The following CRACR2B variants were observed in gnomAD, a reference collection of about 807,000 sequenced individuals.
CRACR2B encodes the protein EF-hand calcium-binding domain-containing protein 4A.
Under a neutral mutation model 46.0 loss-of-function variants are expected in CRACR2B, and 50 were observed. The ratio of observed to expected loss-of-function variants is 1.09; its 90% CI spans 0.87 to 1.38. CRACR2B has a LOEUF of 1.38. Ranked by LOEUF, CRACR2B falls within the 40% of genes most tolerant of loss-of-function variation. The pLI is 0.00. For synonymous variants in CRACR2B, 277 were observed against 239.6 expected (o/e 1.16, Z -1.44); for missense variants, 667 against 535.0 (o/e 1.25, Z -2.43).
In CRACR2B at chr11:828,397, C is replaced by A. The variant is rs1846069464; in HGVS notation, c.-211C>A. ...CCCACAGGCCCTGAGCCTACATCAA[C>A]CACCCCAGTGACACCCCAAGCCTGC... On this transcript the variant is annotated 5_prime_UTR_variant, in exon 1 of 9. Transcript: ENST00000525077. 3.5e-6 allele frequency: 2 copies of A among 577,136 alleles called. No individual in the cohort carries two copies. Among genetic ancestry groups the A allele is most frequent in the South Asian group, 4.8e-5 (2 of 42,008 alleles). 35.8% of individuals were successfully genotyped at this position (577,136 alleles called of 1,614,324 possible).
upstream of CRACR2B, chr11:827,114 G>C (rs536118710): frequency 6.6e-6 from 1 of 152,250 alleles, no homozygotes; most frequent in African/African-American, 2.4e-5. Flanking sequence ...GCAGCGCAGA[G>C]AGGCGGGGAC....
At position 830,846 on chromosome 11, in the gene CRACR2B, T is replaced by G; in HGVS notation, c.787-20T>G. The G allele has an allele frequency of 6.6e-7, 1 of 1,508,120 alleles. No individual in the cohort carries two copies. The highest frequency in any genetic ancestry group is 8.8e-7 in the Non-Finnish European group (1 of 1,131,654). The allele number at this position is 1,508,120 out of a possible 1,614,324, so 93.4% of individuals were successfully genotyped here. A position where few individuals can be genotyped will look rare whatever the true frequency, so the allele number is the denominator to read the frequency against. ...GAAGAGGGGGCGTTCCTCGCCGGTC[T>G]CCATCCTTCCACCCTCCAGTTAGAG... is the stretch of plus-strand genomic sequence containing the variant. On this transcript the variant is annotated intron_variant, in intron 6 of 8. Transcript: ENST00000525077.
At position 828,321 on chromosome 11, in the gene CRACR2B, A is replaced by C; in HGVS notation, c.-287A>C. On this transcript the variant is annotated 5_prime_UTR_variant, in exon 1 of 9. Coordinates refer to ENST00000525077, the MANE Select transcript of CRACR2B (RefSeq NM_001286606.2). Reference sequence around the variant, plus strand: ...CAGCTCCTCCTCTCCTGAAGTTGGCAGCCCCTCCTGGGTTCCAGCCTCCTG... The same window carrying C: ...CAGCTCCTCCTCTCCTGAAGTTGGCCGCCCCTCCTGGGTTCCAGCCTCCTG... 2.4e-6 allele frequency: 1 copy of C among 409,910 alleles called. No individual in the cohort carries two copies. Among genetic ancestry groups the C allele is most frequent in the Non-Finnish European group, 4.3e-6 (1 of 229,956 alleles). The allele number at this position is 409,910 out of a possible 1,614,324, so 25.4% of individuals were successfully genotyped here.
rs1435783683 is a variant in CRACR2B, at chr11:828,005, C to T, written c.-603C>T. On this transcript the variant is annotated 5_prime_UTR_variant, in exon 1 of 9. Coordinates refer to ENST00000525077, the MANE Select transcript of CRACR2B (RefSeq NM_001286606.2). Reference sequence around the variant, plus strand: ...AGGCGAAGGGCTCTGCAGGCTGGGACCTTGCCCCTGCACTCTGTGGGCTCA... The same window carrying T: ...AGGCGAAGGGCTCTGCAGGCTGGGATCTTGCCCCTGCACTCTGTGGGCTCA... 6.7e-6 allele frequency among the ~76,000 whole-genome samples: 1 copy of T among 150,276 alleles called. No homozygotes were observed. The highest frequency in any genetic ancestry group is 1.5e-5 in the Non-Finnish European group (1 of 66,562).
intron 5 of CRACR2B, 138 bp from the exon 6 acceptor site, chr11:830,483 C>T: frequency 6.5e-7 from 1 of 1,537,312 alleles, no homozygotes; most frequent in Non-Finnish European, 8.7e-7. Flanking sequence ...CCCACTGGGC[C>T]TCACGTATCA....
At position 828,981 on chromosome 11, in the gene CRACR2B, C is replaced by G. The variant is rs751837387; in HGVS notation, c.277+18C>G. 1.2e-6 allele frequency: 2 copies of G among 1,600,472 alleles called. No homozygotes were observed. Among genetic ancestry groups the G allele is most frequent in the Non-Finnish European group, 8.5e-7 (1 of 1,179,422 alleles). ...GGGCCTGGGTGAGCCTGTGGCCTGC[C>G]TATCCCCCACTGCCCAGAGCTGGAG... On this transcript the variant is annotated intron_variant, in intron 2 of 8. Transcript: ENST00000525077.
rs779798185 is a variant in CRACR2B, at chr11:828,697, A to G, written c.90A>G (p.Ile30Met). Residue 30 changes from isoleucine (I) to methionine (M), a missense_variant, in exon 1 of 9, where the codon ATA becomes ATG. Ile to Met is a conservative substitution (Grantham distance 10). Coordinates refer to ENST00000525077, the MANE Select transcript of CRACR2B (RefSeq NM_001286606.2). ...GCTCTGCAGGGCCGCGGGCTGCAATACTGGAGCAGGCTGAGGAGCTGTTTC... is the reference window on the plus strand; with the variant it reads ...GCTCTGCAGGGCCGCGGGCTGCAATGCTGGAGCAGGCTGAGGAGCTGTTTC... ...EGGSAGPRAA[I>M]LEQAEELFLL... is the part of the protein sequence containing the mutation. 2 of 1,612,258 alleles carry G rather than the reference A, an allele frequency of 1.2e-6. No homozygotes were observed. Among genetic ancestry groups the G allele is most frequent in the Admixed American group, 3.4e-5 (2 of 59,594 alleles).
At chr11:830,505 T>C in intron 5 of CRACR2B, 116 bp from the exon 6 acceptor site, 1 of 1,539,252 alleles carries the variant, frequency 6.5e-7, no homozygotes, top group South Asian at 1.2e-5. Context: ...CCCCGTCCGG[T>C]CTTCTCCACC....
At chr11:830,429 G>T in intron 5 of CRACR2B, 92 bp downstream of exon 5, 1 of 1,536,118 alleles carries the variant, frequency 6.5e-7, no homozygotes, top group Non-Finnish European at 8.7e-7. Context: ...CCTCCCCGAC[G>T]GCCCCACCTC....
Position 828,721 on chromosome 11 carries a change from T to A in CRACR2B, c.114T>A (p.Phe38Leu). 1 of 1,613,486 alleles carries A rather than the reference T, an allele frequency of 6.2e-7. No individual in the cohort carries two copies. Among genetic ancestry groups the A allele is most frequent in the South Asian group, 1.1e-5 (1 of 91,070 alleles). The change falls in exon 1 of 9, where the codon TTT (phenylalanine) becomes TTA (leucine). Residue 38 changes from phenylalanine to leucine, a missense_variant. By Grantham distance (22) the Phe-to-Leu change is conservative. Coordinates refer to ENST00000525077, the MANE Select transcript of CRACR2B (RefSeq NM_001286606.2). ...AAILEQAEEL[F>L]LLCDKEAKGF... ...TACTGGAGCAGGCTGAGGAGCTGTT[T>A]CTGCTGTGTGACAAGGAGGCTAAGG...
In CRACR2B at chr11:830,948, C is replaced by T. The variant is rs1418792499; in HGVS notation, c.869C>T (p.Ala290Val). The change falls in exon 7 of 9, where the codon GCG becomes GTG. Residue 290 changes from alanine (A) to valine (V), a missense_variant. Transcript: ENST00000525077. The stretch of plus-strand genomic sequence containing the variant: ...TCCCAGCTGTGGCGGGCGCACGAGG[C>T]GCTGCGAACGCAGCTGGAGGGGGCG... ...QNSQLWRAHE[A>V]LRTQLEGAQE... 1 of 1,533,132 alleles carries T rather than the reference C, an allele frequency of 6.5e-7. No individual in the cohort carries two copies. The highest frequency in any genetic ancestry group is 1.2e-5 in the South Asian group (1 of 83,894). The allele number at this position is 1,533,132 out of a possible 1,614,324, so 95.0% of individuals were successfully genotyped here.
chr11:830,480 G>A (rs1590197572), intron 5 of CRACR2B, 141 bp from the exon 6 acceptor site: 1 of 1,537,112 alleles, frequency 6.5e-7, no homozygotes, highest in East Asian at 2.4e-5. Flanking sequence ...GATCCCACTG[G>A]GCCTCACGTA....
intron 2 of CRACR2B, 105 bp from the exon 3 acceptor site, chr11:829,255 A>C (rs1846176385): frequency 6.7e-7 from 1 of 1,486,026 alleles, no homozygotes; most frequent in Non-Finnish European, 8.9e-7. Flanking sequence ...GGAAAACAGG[A>C]AACTGGGCCC....
Position 828,361 on chromosome 11 carries a change from C to A in CRACR2B, c.-247C>A. On this transcript the variant is annotated 5_prime_UTR_variant, in exon 1 of 9. It adds an upstream start codon to the 5' untranslated region. Coordinates refer to ENST00000525077, the MANE Select transcript of CRACR2B (RefSeq NM_001286606.2). Reference sequence around the variant, plus strand: ...CCAGCCTCCTGAGATGCCAGACCCACTGGGGCAGTACCCACAGGCCCTGAG... The same window carrying A: ...CCAGCCTCCTGAGATGCCAGACCCAATGGGGCAGTACCCACAGGCCCTGAG... 2.0e-6 allele frequency: 1 copy of A among 497,478 alleles called. No homozygotes were observed. Among genetic ancestry groups the A allele is most frequent in the Non-Finnish European group, 3.5e-6 (1 of 285,494 alleles). 30.8% of individuals were successfully genotyped at this position (497,478 alleles called of 1,614,324 possible). A position where few individuals can be genotyped will look rare whatever the true frequency, so the allele number is the denominator to read the frequency against.
In CRACR2B at chr11:831,252, C is replaced by G; in HGVS notation, c.982C>G (p.Gln328Glu). The G allele has an allele frequency of 6.2e-7, 1 of 1,610,872 alleles. No homozygotes were observed. The highest frequency in any genetic ancestry group is 2.2e-5 in the East Asian group (1 of 44,860). Reference sequence around the variant, plus strand: ...CGTGGTCGCCGTCTCCAGGAACATGCAGAAAGAGAAAGTCAGCCTGCTACG... The same window carrying G: ...CGTGGTCGCCGTCTCCAGGAACATGGAGAAAGAGAAAGTCAGCCTGCTACG... The part of the protein sequence containing the change: ...RDVVAVSRNM[Q>E]KEKVSLLRQL... The change falls in exon 8 of 9, where the codon CAG becomes GAG. Residue 328 changes from glutamine to glutamate, a missense_variant. Transcript: ENST00000525077.
upstream of CRACR2B, among the ~76,000 whole-genome samples, chr11:827,016 C>G (rs1430273859): frequency 6.6e-6 from 1 of 151,442 alleles, no homozygotes; most frequent in Non-Finnish European, 1.5e-5. Flanking sequence ...CCCCCGCAGC[C>G]TTGTCCCTGC....
At position 830,250 on chromosome 11, in the gene CRACR2B, G is replaced by C. The variant is rs1264870832; in HGVS notation, c.606G>C (p.Arg202Ser). Residue 202 changes from arginine (R) to serine (S), a missense_variant and splice_region_variant, in exon 5 of 9, where the codon AGG becomes AGC. Transcript: ENST00000525077. ...ERDGLEQALR[R>S]RESEHEREVR... Reference sequence around the variant, plus strand: ...TCCGGGGTCGCCCGGTCCCCCGAAGGCGCGAGAGCGAGCACGAGAGGGAGG... The same window carrying C: ...TCCGGGGTCGCCCGGTCCCCCGAAGCCGCGAGAGCGAGCACGAGAGGGAGG... The C allele has an allele frequency of 2.6e-6, 4 of 1,510,714 alleles. No homozygotes were observed. The South Asian group carries it at 3.7e-5, about 14-fold the overall frequency. 93.6% of individuals were successfully genotyped at this position (1,510,714 alleles called of 1,614,324 possible). A position where few individuals can be genotyped will look rare whatever the true frequency, so the allele number is the denominator to read the frequency against.
In CRACR2B at chr11:830,076, G is replaced by A; in HGVS notation, c.549G>A (p.Ser183=). Reference sequence around the variant, plus strand: ...TCGAGGATGTTCTGATACGCGCGTCGGCCTGCCTGGAGGAGGCGGCCCGGG... The same window carrying A: ...TCGAGGATGTTCTGATACGCGCGTCAGCCTGCCTGGAGGAGGCGGCCCGGG... ...GSFEDVLIRA[S]ACLEEAARER... Residue 183 remains serine (S), a synonymous_variant, in exon 4 of 9, where the codon TCG becomes TCA. Coordinates refer to ENST00000525077, the MANE Select transcript of CRACR2B (RefSeq NM_001286606.2). 1 of 1,549,348 alleles carries A rather than the reference G, an allele frequency of 6.5e-7. No individual in the cohort carries two copies. The highest frequency in any genetic ancestry group is 8.7e-7 in the Non-Finnish European group (1 of 1,152,490).
rs199837373 is a variant in CRACR2B, at chr11:828,886, A to T, written c.200A>T (p.Gln67Leu). 301 of 1,610,032 alleles carry T rather than the reference A, an allele frequency of 1.9e-4. No individual in the cohort carries two copies. The highest frequency in any genetic ancestry group is 2.4e-4 in the Non-Finnish European group (289 of 1,179,836). Residue 67 changes from glutamine to leucine, a missense_variant, in exon 2 of 9, where the codon CAG becomes CTG. Transcript: ENST00000525077. The part of the protein sequence containing the change: ...LQSDLPLTPE[Q>L]LEAVFESLDR... ...AGCGACCTGCCCCTCACGCCAGAGC[A>T]GCTGGAGGCTGTGTTTGAAAGTCTG...
Sources: allele counts gnomAD v4.1 joint callset (sites outside exome capture counted in the v4.1 genomes callset), GRCh38; gene constraint gnomAD v4.1.1; transcripts MANE v1.5; gene names NCBI Gene and HGNC (gene_info 2026-07-23, HGNC 2026-07-21).